Variants in QTGAL observed in about 807,000 individuals in gnomAD.
QTGAL encodes the protein BGnT-like protein 1.
the QTGAL span, among the ~76,000 whole-genome samples, chr17:82,974,322 C>G: frequency 3.9e-5 from 6 of 152,342 alleles, no homozygotes; most frequent in Admixed American, 3.9e-4. Context: ...GACAACCACA[C>G]AGGCCCCCTG....
chr17:82,993,237 T>C, the QTGAL span, among the ~76,000 whole-genome samples: 4 of 152,052 alleles, frequency 2.6e-5, no homozygotes, highest in South Asian at 8.3e-4. Flanking sequence ...CACACCTGGC[T>C]TCTAAAGAAA....
chr17:82,961,506 G>A, the QTGAL span, among the ~76,000 whole-genome samples: 36 of 152,278 alleles, frequency 2.4e-4, no homozygotes, highest in Admixed American at 8.5e-4. Context: ...GTGGGTCAGG[G>A]TCTCACAGCC....
At chr17:83,025,789 C>T in the QTGAL span, among the ~76,000 whole-genome samples, 4 of 152,214 alleles carry the variant, frequency 2.6e-5, no homozygotes, top group Non-Finnish European at 4.4e-5. Flanking sequence ...GGGGTTTCTC[C>T]GACGGCACCA....
the QTGAL span, among the ~76,000 whole-genome samples, chr17:82,972,794 T>C: frequency 8.3e-5 from 11 of 132,680 alleles, no homozygotes; most frequent in African/African-American, 3.1e-4. Context: ...TAGAAGGACC[T>C]GGTGCCGACC....
the QTGAL span, among the ~76,000 whole-genome samples, chr17:83,016,534 G>A: frequency 8.5e-6 from 1 of 117,404 alleles, no homozygotes; most frequent in South Asian, 3.2e-4. Flanking sequence ...AGAGGAGGGT[G>A]GAGAAGGGAG....
the QTGAL span, among the ~76,000 whole-genome samples, chr17:82,962,619 G>A: frequency 3.7e-5 from 5 of 134,078 alleles, no homozygotes; most frequent in African/African-American, 1.3e-4. Context: ...GGGTGATTTA[G>A]GGTGGAGGCT....
the QTGAL span, among the ~76,000 whole-genome samples, chr17:82,959,579 G>C: frequency 6.6e-6 from 1 of 151,988 alleles, no homozygotes; most frequent in African/African-American, 2.4e-5. Flanking sequence ...TTAGCAGCCC[G>C]GGTGTGTTGG....
chr17:83,005,268 G>C, the QTGAL span: 6 of 1,317,766 alleles, frequency 4.6e-6, no homozygotes, highest in Non-Finnish European at 6.5e-6. This position sits in a 1 kb window ranked among gnomAD's most constrained non-coding sequence, Gnocchi z 5.6. Context: ...AGGTGCATGT[G>C]CACACCTGTG....
the QTGAL span, chr17:83,048,848 A>G: frequency 7.2e-7 from 1 of 1,388,842 alleles, no homozygotes; most frequent in Non-Finnish European, 1.0e-6. Context: ...CCATGGCTCT[A>G]ATTTACCTCC....
At chr17:83,031,154 G>A in the QTGAL span, among the ~76,000 whole-genome samples, 2 of 152,236 alleles carry the variant, frequency 1.3e-5, no homozygotes, top group African/African-American at 4.8e-5. Flanking sequence ...CAACCGAGAC[G>A]AGAACACAGC....
the QTGAL span, among the ~76,000 whole-genome samples, chr17:83,045,351 A>G: frequency 5.3e-5 from 8 of 152,240 alleles, no homozygotes; most frequent in African/African-American, 1.9e-4. Flanking sequence ...AGTCTTTTAA[A>G]TGGTGTTGGA....
At chr17:83,011,062 G>A in the QTGAL span, among the ~76,000 whole-genome samples, 1 of 152,258 alleles carries the variant, frequency 6.6e-6, no homozygotes, top group African/African-American at 2.4e-5. Flanking sequence ...GGCAGCCTTC[G>A]TGTTTGGTCT....
the QTGAL span, among the ~76,000 whole-genome samples, chr17:83,029,334 A>G: frequency 1.3e-5 from 2 of 152,238 alleles, no homozygotes; most frequent in African/African-American, 4.8e-5. Flanking sequence ...AGTGGTACCC[A>G]CTTTATAAAG....
At chr17:83,046,412 G>C in the QTGAL span, among the ~76,000 whole-genome samples, 1 of 152,194 alleles carries the variant, frequency 6.6e-6, no homozygotes, top group Non-Finnish European at 1.5e-5. Flanking sequence ...GCCGGGATTA[G>C]AGGCGTGAGT....
the QTGAL span, among the ~76,000 whole-genome samples, chr17:83,051,359 T>A: frequency 1.0e-3 from 158 of 150,510 alleles, 1 homozygote; most frequent in African/African-American, 3.7e-3. Context: ...CGGGCGGGGA[T>A]GAGGCAGGTG....
the QTGAL span, among the ~76,000 whole-genome samples, chr17:82,988,860 T>C: frequency 3.3e-5 from 5 of 152,198 alleles, no homozygotes; most frequent in African/African-American, 4.8e-5. Context: ...CAACAGATGC[T>C]GGCAAGGCTG....
At chr17:82,962,484 GAC>G in the QTGAL span, among the ~76,000 whole-genome samples, 1 of 150,282 alleles carries the variant, frequency 6.7e-6, no homozygotes, top group Non-Finnish European at 1.5e-5. Flanking sequence ...GGTGCTGGTG[GAC>G]ACGGACCCTC....
At chr17:82,972,504 ACAC>A in the QTGAL span, among the ~76,000 whole-genome samples, 2 of 109,082 alleles carry the variant, frequency 1.8e-5, no homozygotes, top group East Asian at 3.1e-4. Flanking sequence ...CCGACACACC[ACAC>A]CATGGGCCAG....
the QTGAL span, among the ~76,000 whole-genome samples, chr17:82,964,130 G>A: frequency 6.6e-6 from 1 of 151,522 alleles, no homozygotes; most frequent in Non-Finnish European, 1.5e-5. Flanking sequence ...GGGCATGGTT[G>A]TGTGCACCTG....
Sources: allele counts gnomAD v4.1 joint callset (sites outside exome capture counted in the v4.1 genomes callset), GRCh38; gene constraint gnomAD v4.1.1; non-coding constraint Gnocchi (gnomAD v3.1); transcripts MANE v1.5; gene names NCBI Gene and HGNC (gene_info 2026-07-23, HGNC 2026-07-21).